Variants in MYSM1 observed in about 807,000 individuals in gnomAD.
MYSM1 encodes Myb like, SWIRM and MPN domains 1.
Under a neutral mutation model 116.0 loss-of-function variants are expected in MYSM1, and 51 were observed. That is an observed-to-expected ratio of 0.44 (90% CI 0.35 to 0.56). The LOEUF is 0.56. Ranked by LOEUF, MYSM1 falls within the 20% of genes least tolerant of loss-of-function variation. The pLI, the probability that MYSM1 is intolerant of heterozygous loss-of-function variation, is 0.00. For missense variants in MYSM1, 900 were observed against 974.9 expected (o/e 0.92, Z 1.02); for synonymous variants, 313 against 315.2 (o/e 0.99, Z 0.07).
chr1:58,692,190 A>G (rs1488497315), intron 3 of MYSM1, among the ~76,000 whole-genome samples: 3 of 152,340 alleles, frequency 2.0e-5, no homozygotes, highest in East Asian at 3.9e-4. Context: ...CAACATGGCA[A>G]TAAGTGGAAA....
intron 17 of MYSM1, among the ~76,000 whole-genome samples, chr1:58,664,941 A>C (rs1030904379): frequency 8.5e-5 from 13 of 152,174 alleles, no homozygotes; most frequent in Admixed American, 5.9e-4. Flanking sequence ...TGCTATACTA[A>C]CTCCCTATCC....
At chr1:58,677,129 C>A (rs1258435775) in intron 8 of MYSM1, 73 bp from the exon 9 acceptor site, 1 of 1,335,020 alleles carries the variant, frequency 7.5e-7, no homozygotes, top group African/African-American at 1.5e-5. Context: ...GGAAAACTTT[C>A]AATATTTGAA....
intron 1 of MYSM1, among the ~76,000 whole-genome samples, chr1:58,697,656 C>T (rs1057355325): frequency 6.6e-6 from 1 of 150,944 alleles, no homozygotes; most frequent in African/African-American, 2.4e-5. Flanking sequence ...ATGGCGCGAT[C>T]TCGGCTCACT....
intron 17 of MYSM1, among the ~76,000 whole-genome samples, chr1:58,662,462 C>CCTTTTTTT: frequency 9.2e-6 from 1 of 109,190 alleles, no homozygotes; most frequent in African/African-American, 3.3e-5. Flanking sequence ...TCACCCCCCC[C>CCTTTTTTT]TTTTTTTTTT....
chr1:58,668,936 G>GT (rs1644514470), intron 13 of MYSM1, 48 bp downstream of exon 13: 3 of 1,058,464 alleles, frequency 2.8e-6, no homozygotes, highest in Admixed American at 6.4e-5. Context: ...CCTGTTTGAC[G>GT]GGGAAGCGGG....
At chr1:58,682,950 C>T (rs564114919) in intron 7 of MYSM1, among the ~76,000 whole-genome samples, 2 of 152,256 alleles carry the variant, frequency 1.3e-5, no homozygotes, top group Non-Finnish European at 2.9e-5. Context: ...CTGCCTCGGC[C>T]TCCCAAAGTG....
chr1:58,671,770 CTT>C, intron 12 of MYSM1, 98 bp downstream of exon 12: 1 of 849,134 alleles, frequency 1.2e-6, no homozygotes, highest in African/African-American at 1.8e-5. Context: ...TTTTTTTAAA[CTT>C]AATGTGAACA....
At chr1:58,663,228 C>T (rs1400335530) in intron 17 of MYSM1, among the ~76,000 whole-genome samples, 5 of 152,054 alleles carry the variant, frequency 3.3e-5, no homozygotes, top group Non-Finnish European at 7.4e-5. Context: ...TATGCTGATG[C>T]AAAAACATGA....
chr1:58,664,084 T>C (rs1464610558), intron 17 of MYSM1, among the ~76,000 whole-genome samples: 3 of 152,180 alleles, frequency 2.0e-5, no homozygotes, highest in African/African-American at 7.2e-5. Flanking sequence ...GAACTAAATT[T>C]TAAATTTCAT....
Position 58,665,521 on chromosome 1 carries a change from T to C in MYSM1, c.2142A>G (p.Glu714=). ...TACGATAAGAGCCATCTGGGCTAAT[T>C]TCCTCACTTATAACCAGGCAGGTAA... The part of the protein sequence containing the change: ...SQITCLVISE[E]ISPDGSYRLP... The change falls in exon 17 of 20, where the codon GAA becomes GAG. Residue 714 remains glutamate, a synonymous_variant. Coordinates refer to ENST00000472487, the MANE Select transcript of MYSM1 (RefSeq NM_001085487.3). 1.2e-6 allele frequency: 2 copies of C among 1,603,334 alleles called. No homozygotes were observed. Among genetic ancestry groups the C allele is most frequent in the Non-Finnish European group, 1.7e-6 (2 of 1,174,198 alleles).
chr1:58,675,361 A>C, intron 10 of MYSM1, 116 bp downstream of exon 10: 3 of 702,466 alleles, frequency 4.3e-6, no homozygotes, highest in Non-Finnish European at 7.2e-6. Context: ...ACACAAGAGG[A>C]AACATGTTTT....
intron 11 of MYSM1, among the ~76,000 whole-genome samples, chr1:58,673,296 T>C (rs1231005305): frequency 6.6e-6 from 1 of 152,194 alleles, no homozygotes; most frequent in Non-Finnish European, 1.5e-5. Context: ...ATGAAACGAA[T>C]TGGGCATACC....
Position 58,661,527 on chromosome 1 carries a change from G to A in MYSM1, c.2165-16C>T, listed in dbSNP as rs1300968259. Reference sequence around the variant, plus strand: ...TAAGGTAAGCCTAGAAAAGCATAAAGAAGCACATTGTCATCAACTATTTCT... The same window carrying A: ...TAAGGTAAGCCTAGAAAAGCATAAAAAAGCACATTGTCATCAACTATTTCT... On this transcript the variant is annotated splice_polypyrimidine_tract_variant and intron_variant, in intron 17 of 19. Transcript: ENST00000472487. 7.4e-7 allele frequency: 1 copy of A among 1,347,440 alleles called. No individual in the cohort carries two copies. Among genetic ancestry groups the A allele is most frequent in the Non-Finnish European group, 1.1e-6 (1 of 945,542 alleles). 83.5% of individuals were successfully genotyped at this position (1,347,440 alleles called of 1,614,324 possible).
chr1:58,666,643 C>A (rs1268175747), intron 16 of MYSM1, among the ~76,000 whole-genome samples: 1 of 139,516 alleles, frequency 7.2e-6, no homozygotes, highest in South Asian at 2.2e-4. Flanking sequence ...GAGGCCGAGG[C>A]GGGCCAATCA....
chr1:58,673,572 C>T lies in MYSM1; in HGVS notation c.1572+1G>A. 1 of 1,613,624 alleles carries T rather than the reference C, an allele frequency of 6.2e-7. No homozygotes were observed. Among genetic ancestry groups the T allele is most frequent in the Non-Finnish European group, 8.5e-7 (1 of 1,179,642 alleles). On this transcript the variant is annotated splice_donor_variant, in intron 11 of 19. Coordinates refer to ENST00000472487, the MANE Select transcript of MYSM1 (RefSeq NM_001085487.3). LOFTEE classifies it high-confidence loss of function. ...TGAGCCATTTGAAAGGTCAAAGTTACCTCAAACGTTTGTCCTTCTAAGTCC... is the reference window on the plus strand; with the variant it reads ...TGAGCCATTTGAAAGGTCAAAGTTATCTCAAACGTTTGTCCTTCTAAGTCC...
Position 58,689,018 on chromosome 1 carries a change from T to C in MYSM1, c.399+20A>G, listed in dbSNP as rs1191570743. The C allele has an allele frequency of 6.3e-6, 10 of 1,588,558 alleles. No homozygotes were observed. The highest frequency in any genetic ancestry group is 1.4e-5 in the African/African-American group (1 of 73,456). On this transcript the variant is annotated intron_variant, in intron 6 of 19. Transcript: ENST00000472487. ...GCTTCTAGAATTATTTTACTAAAAATTTAAAATTGCTCTATTTACCAGCCC... is the reference window on the plus strand; with the variant it reads ...GCTTCTAGAATTATTTTACTAAAAACTTAAAATTGCTCTATTTACCAGCCC...
intron 8 of MYSM1, among the ~76,000 whole-genome samples, chr1:58,679,645 G>A (rs1644707362): frequency 6.6e-6 from 1 of 152,088 alleles, no homozygotes; most frequent in African/African-American, 2.4e-5. Context: ...TTTTTGTAGG[G>A]ACAGGGTCTT....
chr1:58,669,312 T>C (rs17118072), intron 12 of MYSM1, among the ~76,000 whole-genome samples: 2,222 of 152,138 alleles, frequency 0.015, 55 homozygotes, highest in African/African-American at 0.051. Context: ...ATCAGACATA[T>C]GTCCCACACT....
chr1:58,689,706 G>A (rs1247073690), intron 5 of MYSM1: 1 of 153,054 alleles, frequency 6.5e-6, no homozygotes, highest in African/African-American at 2.4e-5. Flanking sequence ...GCAAAAGGCT[G>A]CTCAGTACTC....
Sources: gnomAD v4.1 joint callset for allele counts (sites outside exome capture counted in the v4.1 genomes callset) on GRCh38, gnomAD v4.1.1 for gene constraint, MANE v1.5 for transcripts, NCBI Gene and HGNC (gene_info 2026-07-23, HGNC 2026-07-21) for gene names.